HTR1F: variants seen among roughly 807,000 people sequenced by gnomAD.
The protein encoded by HTR1F is 5-hydroxytryptamine (serotonin) receptor 1F, G protein-coupled.
Under a neutral mutation model 24.0 loss-of-function variants are expected in HTR1F, and 17 were observed. That is an observed-to-expected ratio of 0.71 (90% CI 0.48 to 1.06). HTR1F has a LOEUF of 1.06. Among genes scored for constraint, HTR1F ranks in the 50% least tolerant of loss-of-function variants. The pLI is 0.00. For missense variants in HTR1F, 391 were observed against 427.8 expected, an observed-to-expected ratio of 0.91 and a Z score of 0.76; for synonymous variants, 186 against 156.8, an observed-to-expected ratio of 1.19 and a Z score of -1.39.
intron 1 of HTR1F, among the ~76,000 whole-genome samples, chr3:87,797,710 G>A (rs1477180531): frequency 1.3e-5 from 2 of 152,042 alleles, no homozygotes; most frequent in Admixed American, 6.5e-5. Flanking sequence ...TGGGTGATGA[G>A]GAAATTAATA....
At chr3:87,848,169 C>T (rs1704989634) in intron 2 of HTR1F, among the ~76,000 whole-genome samples, 1 of 151,834 alleles carries the variant, frequency 6.6e-6, no homozygotes, top group Non-Finnish European at 1.5e-5. Context: ...ACATCCTTGC[C>T]ATCATCTGTT....
intron 2 of HTR1F, among the ~76,000 whole-genome samples, chr3:87,927,621 T>C (rs1327411025): frequency 1.3e-5 from 2 of 152,198 alleles, no homozygotes; most frequent in East Asian, 1.9e-4. Flanking sequence ...ATAAAATGAA[T>C]ATGAACCTTT....
intron 2 of HTR1F, among the ~76,000 whole-genome samples, chr3:87,985,354 G>A (rs1447208281): frequency 6.6e-6 from 1 of 150,572 alleles, no homozygotes; most frequent in Non-Finnish European, 1.5e-5. Flanking sequence ...AAAAAGCAAA[G>A]AAAAAGTAGT....
At chr3:87,819,101 C>T (rs952070621) in intron 1 of HTR1F, among the ~76,000 whole-genome samples, 1 of 152,192 alleles carries the variant, frequency 6.6e-6, no homozygotes, top group Non-Finnish European at 1.5e-5. Context: ...TGACTTATCT[C>T]ATGTGCACAC....
chr3:87,904,399 T>G (rs1703611163), intron 2 of HTR1F, among the ~76,000 whole-genome samples: 1 of 152,122 alleles, frequency 6.6e-6, no homozygotes, highest in African/African-American at 2.4e-5. Flanking sequence ...TGTACATATA[T>G]ATATTCTCCA....
chr3:87,859,131 G>A (rs1054880009), intron 2 of HTR1F, among the ~76,000 whole-genome samples: 3 of 152,218 alleles, frequency 2.0e-5, no homozygotes, highest in East Asian at 1.9e-4. Context: ...CTGGGAGGTG[G>A]AGGTTGCAGT....
Position 87,920,029 on chromosome 3 carries a change from T to TTTTA in HTR1F, c.-42-70678_-42-70677insTTAT, listed in dbSNP as rs1553676368. ...GTGTGGGAGAGATATATATGTAATA[T>TTTTA]TATATATATATATATATATATGATA... On this transcript the variant is annotated intron_variant, in intron 2 of 2. Coordinates refer to ENST00000319595, the MANE Select transcript of HTR1F (RefSeq NM_001322209.2). Among the ~76,000 whole-genome samples, 14 of 142,032 alleles carry TTTTA rather than the reference T, an allele frequency of 9.9e-5. 1 individual carries two copies. The highest frequency in any genetic ancestry group is 3.1e-4 in the African/African-American group (12 of 38,098). 93.2% of individuals were successfully genotyped at this position (142,032 alleles called of 152,430 possible). A position where few individuals can be genotyped will look rare whatever the true frequency, so the allele number is the denominator to read the frequency against.
rs183498282 is a variant in HTR1F, at chr3:87,885,660, C to A, written c.-43+63536C>A. Among the ~76,000 whole-genome samples, 339 of 152,188 alleles carry A rather than the reference C, an allele frequency of 2.2e-3. 9 individuals are homozygous for A. Among genetic ancestry groups the A allele is most frequent in the Admixed American group, 0.021 (315 of 15,280 alleles). On this transcript the variant is annotated intron_variant, in intron 2 of 2. Transcript: ENST00000319595. ...CAATAAAAAATGATAAAGGGGATAT[C>A]ACTACCAATCCCACAAAAATACAAA... is the stretch of plus-strand genomic sequence containing the variant.
At chr3:87,839,880 A>T (rs535451863) in intron 2 of HTR1F, among the ~76,000 whole-genome samples, 22 of 152,120 alleles carry the variant, frequency 1.4e-4, no homozygotes, top group Non-Finnish European at 2.8e-4. Flanking sequence ...TTTCTGTATT[A>T]GTTTGCTTAG....
Position 87,984,651 on chromosome 3 carries a change from G to A in HTR1F, c.-42-6057G>A, listed in dbSNP as rs181772856. The stretch of plus-strand genomic sequence containing the variant: ...CTAATTATTTGTATTCAGAAGAGAC[G>A]GGGTTTCACCATGTTAGTCAAGCTG... On this transcript the variant is annotated intron_variant, in intron 2 of 2. Coordinates refer to ENST00000319595, the MANE Select transcript of HTR1F (RefSeq NM_001322209.2). Among the ~76,000 whole-genome samples, 469 of 152,038 alleles carry A rather than the reference G, an allele frequency of 3.1e-3. 4 individuals are homozygous for A. The highest frequency in any genetic ancestry group is 3.4e-3 in the Middle Eastern group (1 of 294).
intron 2 of HTR1F, among the ~76,000 whole-genome samples, chr3:87,933,517 A>G (rs1365129500): frequency 6.6e-6 from 1 of 152,226 alleles, no homozygotes; most frequent in Non-Finnish European, 1.5e-5. Flanking sequence ...CTCAGGATAT[A>G]AAATCAATGT....
At chr3:87,877,703 G>A (rs1321534711) in intron 2 of HTR1F, among the ~76,000 whole-genome samples, 3 of 152,154 alleles carry the variant, frequency 2.0e-5, no homozygotes, top group Non-Finnish European at 4.4e-5. Flanking sequence ...CTGACTCTGA[G>A]TTAACTCTAA....
chr3:87,991,647 G>C lies in HTR1F; in HGVS notation c.898G>C (p.Gly300Arg). 6.2e-7 allele frequency: 1 copy of C among 1,613,408 alleles called. No individual in the cohort carries two copies. Among genetic ancestry groups the C allele is most frequent in the South Asian group, 1.1e-5 (1 of 90,994 alleles). Residue 300 changes from glycine to arginine, a missense_variant, in exon 3 of 3, where the codon GGT (glycine) becomes CGT (arginine). Physicochemically the swap from Gly to Arg is moderately radical, Grantham distance 125. Transcript: ENST00000319595. ...AGCCACTACCCTGGGATTAATCTTG[G>C]GTGCATTTGTAATATGTTGGCTTCC... ...KAATTLGLIL[G>R]AFVICWLPFF...
At chr3:87,908,952 T>A (rs1703720673) in intron 2 of HTR1F, among the ~76,000 whole-genome samples, 1 of 152,122 alleles carries the variant, frequency 6.6e-6, no homozygotes. Flanking sequence ...GCATTGAAAG[T>A]GTTTGCACAG....
chr3:87,962,077 A>G (rs12486342), intron 2 of HTR1F, among the ~76,000 whole-genome samples: 13,272 of 152,130 alleles, frequency 0.087, 619 homozygotes, highest in African/African-American at 0.11. Flanking sequence ...AATGACGTAC[A>G]TTGAATATAA....
At chr3:87,803,501 G>T (rs1704026694) in intron 1 of HTR1F, among the ~76,000 whole-genome samples, 1 of 152,054 alleles carries the variant, frequency 6.6e-6, no homozygotes, top group Non-Finnish European at 1.5e-5. Context: ...TCATACTACT[G>T]TGAAATTGTA....
chr3:87,807,194 T>C (rs981620544), intron 1 of HTR1F, among the ~76,000 whole-genome samples: 5 of 152,068 alleles, frequency 3.3e-5, no homozygotes, highest in Admixed American at 3.3e-4. Context: ...AGAGATTACA[T>C]TGAATCTGTA....
intron 2 of HTR1F, among the ~76,000 whole-genome samples, chr3:87,946,613 A>G (rs6766576): frequency 0.51 from 67,606 of 132,786 alleles, 17,453 homozygotes; most frequent in South Asian, 0.6. Flanking sequence ...GTGTGTGTGT[A>G]TATATATATA....
intron 2 of HTR1F, among the ~76,000 whole-genome samples, chr3:87,960,596 C>T (rs981161408): frequency 6.6e-6 from 1 of 151,960 alleles, no homozygotes; most frequent in African/African-American, 2.4e-5. Flanking sequence ...CCCTCATCTA[C>T]ATAAGGCTAT....
Sources: allele counts gnomAD v4.1 joint callset (sites outside exome capture counted in the v4.1 genomes callset), GRCh38; gene constraint gnomAD v4.1.1; transcripts MANE v1.5; gene names NCBI Gene and HGNC (gene_info 2026-07-23, HGNC 2026-07-21).